Variants in SND1 observed in about 807,000 individuals in gnomAD.
The protein encoded by SND1 is staphylococcal nuclease domain-containing protein 1.
In SND1, 38 loss-of-function variants were observed where a neutral mutation model predicts 121.7. The ratio of observed to expected loss-of-function variants is 0.31; its 90% CI spans 0.24 to 0.41. SND1 has a LOEUF of 0.41. Among genes scored for constraint, SND1 ranks in the 10% least tolerant of loss-of-function variants. The probability of loss-of-function intolerance (pLI) is 1.00; values close to 1 mark genes in which losing one functional copy is unlikely to be tolerated. For missense variants in SND1, 868 were observed against 1,184.6 expected (o/e 0.73, Z 3.92); for synonymous variants, 401 against 447.4 (o/e 0.90, Z 1.31).
chr7:127,655,786 A>G (rs1418835765), intron 1 of SND1, among the ~76,000 whole-genome samples: 1 of 151,750 alleles, frequency 6.6e-6, no homozygotes, highest in Non-Finnish European at 1.5e-5. Context: ...TGAGATGGCT[A>G]TTTTCTCTGG....
intron 16 of SND1, among the ~76,000 whole-genome samples, chr7:128,017,780 A>T (rs1466366301): frequency 6.6e-6 from 1 of 152,248 alleles, no homozygotes; most frequent in Non-Finnish European, 1.5e-5. Flanking sequence ...TGACCTTGGC[A>T]GGTAACAGGT....
chr7:128,046,556 G>T (rs1461361336), intron 16 of SND1, among the ~76,000 whole-genome samples: 9 of 151,892 alleles, frequency 5.9e-5, no homozygotes, highest in Admixed American at 5.9e-4. Context: ...TAGACATGGG[G>T]TGTCAGCATG....
At chr7:127,706,962 T>A (rs927670440) in intron 8 of SND1, among the ~76,000 whole-genome samples, 3 of 152,246 alleles carry the variant, frequency 2.0e-5, no homozygotes, top group African/African-American at 4.8e-5. Context: ...TGATTTTTTT[T>A]AATCTTTGCA....
At chr7:127,799,183 C>G (rs1032373824) in intron 10 of SND1, among the ~76,000 whole-genome samples, 1 of 152,214 alleles carries the variant, frequency 6.6e-6, no homozygotes, top group Non-Finnish European at 1.5e-5. Flanking sequence ...CAACCACCGA[C>G]AGGTGGTGAT....
intron 1 of SND1, chr7:127,679,319 T>G (rs575625075): frequency 6.6e-6 from 1 of 152,322 alleles, no homozygotes; most frequent in Admixed American, 6.5e-5. Flanking sequence ...TTAAAAAAAT[T>G]TTTTTGTTAA....
chr7:127,781,716 A>G (rs2116520554), intron 10 of SND1, among the ~76,000 whole-genome samples: 1 of 152,332 alleles, frequency 6.6e-6, no homozygotes, highest in Non-Finnish European at 1.5e-5. Context: ...AGATGCTTAT[A>G]TATTTGATAG....
intron 10 of SND1, among the ~76,000 whole-genome samples, chr7:127,755,282 C>A (rs1797173903): frequency 6.6e-6 from 1 of 152,206 alleles, no homozygotes; most frequent in Non-Finnish European, 1.5e-5. Flanking sequence ...TGGCAGCTAA[C>A]TGCCCCTACC....
intron 16 of SND1, chr7:128,028,615 G>A: frequency 7.5e-6 from 11 of 1,473,608 alleles, no homozygotes; most frequent in Non-Finnish European, 1.0e-5. Context: ...TCCCCACTCT[G>A]TACAAAAGTT....
At chr7:127,669,949 G>C (rs571529255) in intron 1 of SND1, among the ~76,000 whole-genome samples, 1 of 151,670 alleles carries the variant, frequency 6.6e-6, no homozygotes, top group African/African-American at 2.4e-5. Context: ...TTCTAGTTTA[G>C]ACTGGAGGAC....
chr7:127,703,203 T>C lies in SND1; in HGVS notation c.720T>C (p.Thr240=). The C allele has an allele frequency of 6.2e-7, 1 of 1,614,112 alleles. No individual in the cohort carries two copies. The highest frequency in any genetic ancestry group is 8.5e-7 in the Non-Finnish European group (1 of 1,179,976). ...TFRREADGSE[T]PEPFAAEAKF... ...GACGGGAAGCAGATGGCAGTGAAACTCCAGAGCCTTTTGCTGCAGAAGCCA... is the reference window on the plus strand; with the variant it reads ...GACGGGAAGCAGATGGCAGTGAAACCCCAGAGCCTTTTGCTGCAGAAGCCA... The change falls in exon 7 of 24, where the codon ACT becomes ACC. Residue 240 remains threonine, a synonymous_variant. Coordinates refer to ENST00000354725, the MANE Select transcript of SND1 (RefSeq NM_014390.4).
At chr7:127,748,829 A>T (rs1213876172) in intron 10 of SND1, among the ~76,000 whole-genome samples, 2 of 152,108 alleles carry the variant, frequency 1.3e-5, no homozygotes, top group African/African-American at 4.8e-5. Context: ...GTGCAGGCCT[A>T]TGTGGGTGCT....
intron 15 of SND1, among the ~76,000 whole-genome samples, chr7:127,947,599 A>G (rs985734249): frequency 5.3e-5 from 8 of 152,162 alleles, no homozygotes; most frequent in Admixed American, 4.6e-4. Context: ...GACGCCAGCT[A>G]CAGAGGCACG....
intron 10 of SND1, among the ~76,000 whole-genome samples, chr7:127,740,092 CT>C (rs1301958254): frequency 6.6e-6 from 1 of 152,192 alleles, no homozygotes; most frequent in Non-Finnish European, 1.5e-5. Context: ...TGATTAAATT[CT>C]CGCTGCCTGC....
chr7:128,024,918 A>T (rs1043541486), intron 16 of SND1, among the ~76,000 whole-genome samples: 1 of 152,180 alleles, frequency 6.6e-6, no homozygotes, highest in African/African-American at 2.4e-5. Flanking sequence ...GTGGTCCAGT[A>T]GGTGTTTTAA....
intron 10 of SND1, among the ~76,000 whole-genome samples, chr7:127,770,943 C>T (rs1283304587): frequency 6.6e-6 from 1 of 151,998 alleles, no homozygotes; most frequent in Non-Finnish European, 1.5e-5. Flanking sequence ...TTTTGGTGGC[C>T]AGAGTTCTTT....
At chr7:127,789,380 A>T (rs1797870152) in intron 10 of SND1, among the ~76,000 whole-genome samples, 1 of 152,232 alleles carries the variant, frequency 6.6e-6, no homozygotes. Flanking sequence ...TAAATTACAC[A>T]TGCATAAATG....
At chr7:127,702,677 T>C in intron 6 of SND1, 151 bp downstream of exon 6, 1 of 651,764 alleles carries the variant, frequency 1.5e-6, no homozygotes, top group Non-Finnish European at 2.8e-6. Context: ...AACTTTGTAG[T>C]ACGACAGTTC....
chr7:127,871,121 G>A (rs574986167), intron 12 of SND1, among the ~76,000 whole-genome samples: 1 of 152,226 alleles, frequency 6.6e-6, no homozygotes, highest in African/African-American at 2.4e-5. Context: ...CCCACTGGAA[G>A]GTTTTCAGGG....
intron 10 of SND1, among the ~76,000 whole-genome samples, chr7:127,736,576 C>T (rs528618182): frequency 6.6e-6 from 1 of 152,316 alleles, no homozygotes; most frequent in South Asian, 2.1e-4. Flanking sequence ...AGAGGTAGCT[C>T]TTAGGTAAGT....
Sources: allele counts gnomAD v4.1 joint callset (sites outside exome capture counted in the v4.1 genomes callset), GRCh38; gene constraint gnomAD v4.1.1; transcripts MANE v1.5; gene names NCBI Gene and HGNC (gene_info 2026-07-23, HGNC 2026-07-21).